Variants in RRP36 observed in about 807,000 individuals in gnomAD.
The protein encoded by RRP36 is ribosomal RNA processing 36.
A neutral mutation model predicts 39.8 loss-of-function variants in RRP36; 44 were observed. The observed-to-expected ratio is 1.10, with a 90% CI of 0.87 to 1.42. The LOEUF (loss-of-function observed/expected upper bound fraction) is 1.42, where lower values mean the gene tolerates loss of function less well. RRP36 is among the 40% of genes most tolerant of loss of function. RRP36 has a pLI of 0.00. For synonymous variants in RRP36, 124 were observed against 123.1 expected, an observed-to-expected ratio of 1.01 and a Z score of -0.05; for missense variants, 316 against 322.4, an observed-to-expected ratio of 0.98 and a Z score of 0.15.
intron 1 of RRP36, among the ~76,000 whole-genome samples, chr6:43,023,461 C>A (rs771818364): frequency 3.3e-5 from 5 of 151,604 alleles, no homozygotes; most frequent in Non-Finnish European, 7.4e-5. Flanking sequence ...TTTGGGAGGC[C>A]GAGGTGGGCG....
chr6:43,024,388 TG>T (rs1762775113), intron 1 of RRP36, among the ~76,000 whole-genome samples: 1 of 151,998 alleles, frequency 6.6e-6, no homozygotes, highest in African/African-American at 2.4e-5. Flanking sequence ...CCAGGTCACT[TG>T]GGGGCTTGCA....
At position 43,024,997 on chromosome 6, in the gene RRP36, T is replaced by C; in HGVS notation, c.143T>C (p.Met48Thr). The C allele has an allele frequency of 6.2e-7, 1 of 1,613,960 alleles. No individual in the cohort carries two copies. Among genetic ancestry groups the C allele is most frequent in the Non-Finnish European group, 8.5e-7 (1 of 1,180,034 alleles). ...ARDLLRGTSN[M>T]SFEELLELQS... is the part of the protein sequence containing the mutation. ...CCCACTTCCACAGGCACATCTAACA[T>C]GTCATTTGAGGAGCTGTTGGAATTG... The change falls in exon 2 of 7, where the codon ATG becomes ACG. Residue 48 changes from methionine to threonine, a missense_variant. Coordinates refer to ENST00000244496, the MANE Select transcript of RRP36 (RefSeq NM_033112.4).
chr6:43,028,614 C>T (rs188713064), intron 6 of RRP36, among the ~76,000 whole-genome samples: 1 of 149,696 alleles, frequency 6.7e-6, no homozygotes, highest in Non-Finnish European at 1.5e-5. Context: ...TGCCACAGCA[C>T]TTCAGCCTGG....
intron 1 of RRP36, among the ~76,000 whole-genome samples, chr6:43,022,129 GGA>G (rs2150294552): frequency 6.6e-6 from 1 of 151,660 alleles, no homozygotes; most frequent in African/African-American, 2.4e-5. Context: ...TTTTTGAGAC[GGA>G]GTCTCTCTCT....
intron 1 of RRP36, among the ~76,000 whole-genome samples, chr6:43,023,688 CAAAAT>C (rs1762766293): frequency 6.6e-6 from 1 of 151,442 alleles, no homozygotes; most frequent in African/African-American, 2.4e-5. Context: ...GAGTCCAGCT[CAAAAT>C]AAATAAGTAA....
chr6:43,025,313 T>C lies in RRP36; in HGVS notation c.329T>C (p.Val110Ala). 2 of 1,613,768 alleles carry C rather than the reference T, an allele frequency of 1.2e-6. No individual in the cohort carries two copies. Among genetic ancestry groups the C allele is most frequent in the Non-Finnish European group, 1.7e-6 (2 of 1,180,018 alleles). ...KIRVPFLRQV[V>A]PISKKVARDP... ...CGAGTACCATTTTTACGTCAGGTTG[T>C]TCCCATTAGTAAAAAGGTAAGGAAG... Residue 110 changes from valine (V) to alanine (A), a missense_variant, in exon 3 of 7, where the codon GTT (valine) becomes GCT (alanine). Transcript: ENST00000244496.
chr6:43,024,845 C>A, intron 1 of RRP36, 140 bp from the exon 2 acceptor site: 1 of 1,016,314 alleles, frequency 9.8e-7, no homozygotes, highest in Non-Finnish European at 1.4e-6. Context: ...ACTATCACAG[C>A]CTCTGCTGCC....
Position 43,026,024 on chromosome 6 carries a change from CTT to C in RRP36, c.346-12_346-11del, listed in dbSNP as rs1258111953. 12 of 1,589,960 alleles carry C rather than the reference CTT, an allele frequency of 7.5e-6. No individual in the cohort carries two copies. In the Admixed American group the frequency reaches 1.3e-4, roughly 18 times the overall value. ...AACAGTTGTGTTTTATATTCTCTCT[CTT>C]CTCTCCAAAGGTAGCCCGGGACCCT... On this transcript the variant is annotated splice_polypyrimidine_tract_variant and intron_variant, in intron 3 of 6. Transcript: ENST00000244496.
intron 1 of RRP36, among the ~76,000 whole-genome samples, chr6:43,023,930 C>T (rs764333487): frequency 1.3e-4 from 20 of 150,460 alleles, no homozygotes; most frequent in Non-Finnish European, 2.5e-4. Flanking sequence ...GATCTCGGCT[C>T]ACTGCATCCT....
Position 43,025,266 on chromosome 6 carries a change from T to C in RRP36, c.282T>C (p.Pro94=). The C allele has an allele frequency of 6.2e-7, 1 of 1,614,166 alleles. No individual in the cohort carries two copies. Among genetic ancestry groups the C allele is most frequent in the South Asian group, 1.1e-5 (1 of 91,086 alleles). The part of the protein sequence containing the change: ...QNACVADKHR[P]LEMSAKIRVP... ...TTGGCTTTTAATTTCTCCATAGGCC[T>C]CTGGAAATGTCAGCCAAGATCCGAG... The change falls in exon 3 of 7, where the codon CCT becomes CCC. Residue 94 remains proline, a synonymous_variant. Coordinates refer to ENST00000244496, the MANE Select transcript of RRP36 (RefSeq NM_033112.4).
rs558575200 is a variant in RRP36 at position 43,023,108 on chromosome 6, C to T, written c.130+1324C>T. The stretch of plus-strand genomic sequence containing the variant: ...GTTGTGAATAAAGTAGTCAAACACT[C>T]CTATCCTGGCCGGGTGTGGTGGATC... On this transcript the variant is annotated intron_variant, in intron 1 of 6. Coordinates refer to ENST00000244496, the MANE Select transcript of RRP36 (RefSeq NM_033112.4). Among the ~76,000 whole-genome samples, 121 of 152,298 alleles carry T rather than the reference C, an allele frequency of 7.9e-4. 1 individual carries two copies. The highest frequency in any genetic ancestry group is 5.0e-3 in the South Asian group (24 of 4,822).
intron 6 of RRP36, among the ~76,000 whole-genome samples, chr6:43,028,826 G>A (rs1048134568): frequency 5.4e-5 from 8 of 148,130 alleles, no homozygotes; most frequent in African/African-American, 1.5e-4. Context: ...GGTGGTGCGC[G>A]CCTGTAATCC....
intron 4 of RRP36, 77 bp downstream of exon 4, chr6:43,026,218 G>C: frequency 1.0e-6 from 1 of 998,666 alleles, no homozygotes; most frequent in South Asian, 1.3e-5. Context: ...GTTGGGCAGG[G>C]GGAGTGGGAA....
intron 1 of RRP36, among the ~76,000 whole-genome samples, chr6:43,022,792 C>T (rs1459568381): frequency 3.3e-5 from 5 of 151,868 alleles, no homozygotes; most frequent in African/African-American, 9.7e-5. Context: ...CCACCACGCC[C>T]GGCTAATTTT....
chr6:43,028,432 G>A (rs1402554661), intron 6 of RRP36, among the ~76,000 whole-genome samples: 3 of 150,032 alleles, frequency 2.0e-5, no homozygotes, highest in Non-Finnish European at 3.0e-5. Context: ...GGCAGATCAC[G>A]AGGTCAGGAG....
chr6:43,024,278 A>G (rs886712837), intron 1 of RRP36, among the ~76,000 whole-genome samples: 1 of 152,154 alleles, frequency 6.6e-6, no homozygotes, highest in Non-Finnish European at 1.5e-5. Context: ...TGTACCAAGC[A>G]GAGGCAACAT....
chr6:43,028,173 A>T (rs1288618279), intron 6 of RRP36, among the ~76,000 whole-genome samples: 1 of 151,802 alleles, frequency 6.6e-6, no homozygotes. Context: ...TACTAAAGAT[A>T]TAAAAAAATT....
chr6:43,028,284 TG>T (rs1762854245), intron 6 of RRP36, among the ~76,000 whole-genome samples: 2 of 150,280 alleles, frequency 1.3e-5, no homozygotes, highest in African/African-American at 4.9e-5. Flanking sequence ...AAGCCTAGAT[TG>T]CACTGTTGTA....
At chr6:43,021,902 T>A in intron 1 of RRP36, 118 bp downstream of exon 1, 1 of 734,132 alleles carries the variant, frequency 1.4e-6, no homozygotes, top group Non-Finnish European at 1.8e-6. Context: ...GACGCTACAC[T>A]AGGGGTGCCC....
Sources: gnomAD v4.1 joint callset for allele counts (sites outside exome capture counted in the v4.1 genomes callset) on GRCh38, gnomAD v4.1.1 for gene constraint, MANE v1.5 for transcripts, NCBI Gene and HGNC (gene_info 2026-07-23, HGNC 2026-07-21) for gene names.